PIP4K2A: variants seen among roughly 807,000 people sequenced by gnomAD.
PIP4K2A encodes the protein phosphatidylinositol-5-phosphate 4-kinase type 2 alpha.
In PIP4K2A, 14 loss-of-function variants were observed where a neutral mutation model predicts 42.9. That is an observed-to-expected ratio of 0.33 (90% confidence interval 0.22 to 0.51). PIP4K2A has a LOEUF of 0.51. Ranked by LOEUF, PIP4K2A falls within the 20% of genes least tolerant of loss-of-function variation. PIP4K2A has a pLI of 0.97. For synonymous variants in PIP4K2A, 192 were observed against 192.2 expected (o/e 1.00, Z 0.01); for missense variants, 434 against 519.8 (o/e 0.83, Z 1.61).
At chr10:22,664,218 C>CATATATATATACATATATATATACAT (rs1839302529) in intron 1 of PIP4K2A, among the ~76,000 whole-genome samples, 2 of 26,116 alleles carry the variant, frequency 7.7e-5, no homozygotes, top group African/African-American at 3.4e-4. Context: ...TATATATATA[C>CATATATATATACATATATATATACAT]ATATATATAT....
At chr10:22,659,507 A>G (rs1839162773) in intron 1 of PIP4K2A, 1 of 152,298 alleles carries the variant, frequency 6.6e-6, no homozygotes, top group African/African-American at 2.4e-5. Context: ...GTAATTCTAT[A>G]TTATTTCATT....
At chr10:22,609,810 G>T in intron 1 of PIP4K2A, 93 bp from the exon 2 acceptor site, 1 of 716,068 alleles carries the variant, frequency 1.4e-6, no homozygotes, top group Non-Finnish European at 2.3e-6. Context: ...AAACATGGTG[G>T]ACACAGGAAC....
At chr10:22,545,148 A>G (rs1235369794) in intron 7 of PIP4K2A, among the ~76,000 whole-genome samples, 3 of 152,148 alleles carry the variant, frequency 2.0e-5, no homozygotes, top group Admixed American at 6.5e-5. Context: ...CTTCTTCCCT[A>G]TCCGTCCCAA....
intron 3 of PIP4K2A, among the ~76,000 whole-genome samples, chr10:22,596,521 A>G (rs961154383): frequency 1.3e-5 from 2 of 152,220 alleles, no homozygotes; most frequent in African/African-American, 4.8e-5. Context: ...GTGCTGCCTC[A>G]AAACAGTCTA....
intron 1 of PIP4K2A, among the ~76,000 whole-genome samples, chr10:22,698,578 A>T (rs978210290): frequency 3.0e-4 from 45 of 152,334 alleles, no homozygotes; most frequent in African/African-American, 8.4e-4. Context: ...ACTTCATTAA[A>T]CTATTTAGGT....
At chr10:22,568,299 A>G (rs1836898265) in intron 5 of PIP4K2A, among the ~76,000 whole-genome samples, 1 of 152,154 alleles carries the variant, frequency 6.6e-6, no homozygotes. Context: ...AGCTGGCTGC[A>G]GTGGGACCAC....
intron 7 of PIP4K2A, among the ~76,000 whole-genome samples, chr10:22,549,981 A>C (rs1836363429): frequency 1.3e-5 from 2 of 152,160 alleles, no homozygotes; most frequent in South Asian, 4.1e-4. Context: ...CATAAACTAA[A>C]TGACAGGAAA....
Position 22,632,885 on chromosome 10 carries a change from T to C in PIP4K2A, c.145-23168A>G, listed in dbSNP as rs1374831177. Among the ~76,000 whole-genome samples the C allele has an allele frequency of 4.6e-5, 7 of 152,350 alleles. No homozygotes were observed. In the South Asian group the frequency reaches 1.2e-3, roughly 27 times the overall value. ...ACTTGTAGGAAGCGGTTGAGTTTCA[T>C]ATTTTGTTTTATATTCTTTGGTTTT... On this transcript the variant is annotated intron_variant, in intron 1 of 9. Coordinates refer to ENST00000376573, the MANE Select transcript of PIP4K2A (RefSeq NM_005028.5).
At chr10:22,714,084 C>G in intron 1 of PIP4K2A, 99 bp downstream of exon 1, 1 of 1,290,938 alleles carries the variant, frequency 7.7e-7, no homozygotes, top group Non-Finnish European at 1.1e-6. Context: ...GGGCTGACTC[C>G]GGCTCCCCGC....
chr10:22,568,843 A>G (rs1408827268), intron 5 of PIP4K2A, among the ~76,000 whole-genome samples: 1 of 152,230 alleles, frequency 6.6e-6, no homozygotes, highest in Non-Finnish European at 1.5e-5. Flanking sequence ...TTTACTGCAT[A>G]AATGGCTGGA....
At chr10:22,596,391 T>C (rs1044448505) in intron 3 of PIP4K2A, among the ~76,000 whole-genome samples, 4 of 151,898 alleles carry the variant, frequency 2.6e-5, no homozygotes, top group African/African-American at 7.3e-5. Flanking sequence ...TGGGCTGAGA[T>C]GAAAGAGAAC....
chr10:22,643,282 G>A (rs148275818), intron 1 of PIP4K2A, among the ~76,000 whole-genome samples: 15 of 152,244 alleles, frequency 9.9e-5, no homozygotes, highest in South Asian at 2.1e-4. Context: ...TGTCAATAAC[G>A]TTTTATTGGA....
intron 1 of PIP4K2A, among the ~76,000 whole-genome samples, chr10:22,642,755 T>C (rs559421508): frequency 9.2e-5 from 14 of 152,072 alleles, no homozygotes; most frequent in South Asian, 2.1e-4. Flanking sequence ...GATCTAGGGC[T>C]TGGAAAAGAC....
At chr10:22,575,854 C>G (rs1023727764) in intron 4 of PIP4K2A, among the ~76,000 whole-genome samples, 6 of 151,918 alleles carry the variant, frequency 3.9e-5, no homozygotes, top group African/African-American at 1.5e-4. Flanking sequence ...AGAAGAACTA[C>G]TTGAACCCAG....
At chr10:22,552,667 A>T (rs896524232) in intron 6 of PIP4K2A, among the ~76,000 whole-genome samples, 1 of 152,198 alleles carries the variant, frequency 6.6e-6, no homozygotes, top group Admixed American at 6.5e-5. Context: ...CCAAAACAGA[A>T]AATTGGAAGC....
chr10:22,544,473 C>T (rs749026329), intron 7 of PIP4K2A, among the ~76,000 whole-genome samples: 8 of 152,102 alleles, frequency 5.3e-5, no homozygotes, highest in Non-Finnish European at 8.8e-5. Context: ...CCTAGATCTA[C>T]GGCTTCCCTG....
At chr10:22,590,020 C>G (rs1459241119) in intron 4 of PIP4K2A, among the ~76,000 whole-genome samples, 1 of 152,162 alleles carries the variant, frequency 6.6e-6, no homozygotes, top group African/African-American at 2.4e-5. Context: ...TTAGAGCCCT[C>G]ATTATGTGAT....
At chr10:22,553,829 T>C (rs1461410182) in intron 6 of PIP4K2A, among the ~76,000 whole-genome samples, 3 of 150,620 alleles carry the variant, frequency 2.0e-5, no homozygotes. Context: ...AACTTAACTG[T>C]TCTTTTTAAA....
chr10:22,563,679 C>T (rs927012062), intron 6 of PIP4K2A, among the ~76,000 whole-genome samples: 10 of 152,270 alleles, frequency 6.6e-5, no homozygotes, highest in African/African-American at 1.2e-4. Context: ...TAGAAATGTG[C>T]GCTCTGGGGC....
Sources: allele counts gnomAD v4.1 joint callset (sites outside exome capture counted in the v4.1 genomes callset), GRCh38; gene constraint gnomAD v4.1.1; transcripts MANE v1.5; gene names NCBI Gene and HGNC (gene_info 2026-07-23, HGNC 2026-07-21).